Variants in SYCP2L observed in about 807,000 individuals in gnomAD.
SYCP2L encodes synaptonemal complex protein 2 like, also known as synaptonemal complex protein 2-like.
SYCP2L carries 98 observed loss-of-function variants against 125.8 expected under a neutral mutation model. The observed-to-expected ratio is 0.78, with a 90% CI of 0.66 to 0.92. The LOEUF (loss-of-function observed/expected upper bound fraction) is 0.92. Among genes scored for constraint, SYCP2L ranks in the 40% least tolerant of loss-of-function variants. The pLI is 0.00. For missense variants in SYCP2L, 842 were observed against 936.4 expected (o/e 0.90, Z 1.32); for synonymous variants, 317 against 325.4 (o/e 0.97, Z 0.28).
chr6:10,905,927 A>G lies in SYCP2L; in HGVS notation c.642-93A>G, dbSNP rs1443242717. 7.6e-6 allele frequency: 6 copies of G among 791,124 alleles called. No individual in the cohort carries two copies. In the Admixed American group the frequency reaches 1.2e-4, roughly 15 times the overall value. The allele number at this position is 791,124 out of a possible 1,614,324, so 49.0% of individuals were successfully genotyped here. On this transcript the variant is annotated intron_variant, in intron 8 of 29. Coordinates refer to ENST00000283141, the MANE Select transcript of SYCP2L (RefSeq NM_001040274.3). ...CTGAATTTGAAATAGTTTCAGAAAC[A>G]TATACTTTGGTTTTAAAGTTTAATG...
chr6:10,946,145 T>C (rs1781311492), intron 23 of SYCP2L, among the ~76,000 whole-genome samples: 1 of 152,168 alleles, frequency 6.6e-6, no homozygotes, highest in Non-Finnish European at 1.5e-5. Flanking sequence ...GTTTTGTGCT[T>C]TCTGTGTGCC....
At chr6:10,959,330 A>G (rs558130558) in intron 26 of SYCP2L, among the ~76,000 whole-genome samples, 1 of 152,324 alleles carries the variant, frequency 6.6e-6, no homozygotes, top group Non-Finnish European at 1.5e-5. Flanking sequence ...CTCCACTTAA[A>G]TGAGGTGTAC....
chr6:10,933,794 C>T (rs1781042164), intron 20 of SYCP2L, among the ~76,000 whole-genome samples: 1 of 152,034 alleles, frequency 6.6e-6, no homozygotes, highest in South Asian at 2.1e-4. Flanking sequence ...TTATTTACTG[C>T]AGTAAAATCT....
chr6:10,937,322 TAAAC>T (rs985850209), intron 21 of SYCP2L, among the ~76,000 whole-genome samples: 7 of 152,058 alleles, frequency 4.6e-5, no homozygotes, highest in South Asian at 2.1e-4. Context: ...ACATGGAAAT[TAAAC>T]AACACACTCC....
intron 10 of SYCP2L, among the ~76,000 whole-genome samples, chr6:10,908,819 C>A (rs1268119528): frequency 1.3e-5 from 2 of 152,240 alleles, no homozygotes; most frequent in South Asian, 2.1e-4. Flanking sequence ...CTGGGTTGAA[C>A]CTAGAGTTTG....
chr6:10,896,344 A>G (rs977299105), intron 4 of SYCP2L, among the ~76,000 whole-genome samples: 1 of 152,196 alleles, frequency 6.6e-6, no homozygotes, highest in Non-Finnish European at 1.5e-5. Flanking sequence ...GGGTTCAGTG[A>G]GAACTTCCTG....
chr6:10,930,120 A>G (rs761555121), intron 18 of SYCP2L: 5 of 303,668 alleles, frequency 1.6e-5, no homozygotes, highest in Non-Finnish European at 3.0e-5. Flanking sequence ...GTCATCCACC[A>G]TCTCTTCTGT....
intron 6 of SYCP2L, among the ~76,000 whole-genome samples, chr6:10,899,449 G>A (rs770866736): frequency 1.3e-5 from 2 of 152,140 alleles, no homozygotes; most frequent in African/African-American, 2.4e-5. Flanking sequence ...TTGGGAGGGT[G>A]AGGTGGGAGG....
At chr6:10,958,473 C>T (rs1239898835) in intron 25 of SYCP2L, among the ~76,000 whole-genome samples, 2 of 152,136 alleles carry the variant, frequency 1.3e-5, no homozygotes, top group Admixed American at 1.3e-4. Context: ...GTGACCCGAA[C>T]GCCTCCCACC....
Position 10,912,067 on chromosome 6 carries a change from G to A in SYCP2L, c.919-606G>A, listed in dbSNP as rs1369321184. Among the ~76,000 whole-genome samples the A allele has an allele frequency of 6.6e-6, 1 of 151,636 alleles. No homozygotes were observed. The highest frequency in any genetic ancestry group is 1.5e-5 in the Non-Finnish European group (1 of 67,914). ...TACATGTCTAGAAAACATCTGGGAGGAAACAAAGGCATTGTTAATGGTGCC... is the reference window on the plus strand; with the variant it reads ...TACATGTCTAGAAAACATCTGGGAGAAAACAAAGGCATTGTTAATGGTGCC... On this transcript the variant is annotated intron_variant, in intron 12 of 29. Coordinates refer to ENST00000283141, the MANE Select transcript of SYCP2L (RefSeq NM_001040274.3). This position sits in a 1 kb window ranked among gnomAD's most constrained non-coding sequence, Gnocchi z 4.1.
chr6:10,959,439 T>A (rs897027540), intron 26 of SYCP2L, among the ~76,000 whole-genome samples: 2 of 152,228 alleles, frequency 1.3e-5, no homozygotes, highest in African/African-American at 4.8e-5. Flanking sequence ...AGTTTCTGTT[T>A]GGGATGATGG....
rs764813418 is a variant in SYCP2L at position 10,924,634 on chromosome 6, A to G, written c.1211A>G (p.Asp404Gly). 1.7e-5 allele frequency: 26 copies of G among 1,565,000 alleles called. No individual in the cohort carries two copies. The highest frequency in any genetic ancestry group is 2.2e-5 in the Non-Finnish European group (26 of 1,163,966). The change falls in exon 15 of 30, where the codon GAC becomes GGC. Residue 404 changes from aspartate (D) to glycine (G), a missense_variant. Asp to Gly is a moderately conservative substitution (Grantham distance 94). Coordinates refer to ENST00000283141, the MANE Select transcript of SYCP2L (RefSeq NM_001040274.3). ...GTTTCCATTCAAGCTTTAGGAGAAG[A>G]CAAACAGGTGGCAGGTTTCATTCTT... Reference protein sequence around the residue: ...SQVSIQALGEDKQMLPDQTKI... With the variant: ...SQVSIQALGEGKQMLPDQTKI...
intron 26 of SYCP2L, among the ~76,000 whole-genome samples, chr6:10,960,675 A>C (rs1174985295): frequency 3.3e-5 from 5 of 152,134 alleles, no homozygotes; most frequent in African/African-American, 4.8e-5. Flanking sequence ...AAGGGGAGCA[A>C]GTGGAAGGTA....
intron 21 of SYCP2L, 63 bp from the exon 22 acceptor site, chr6:10,942,396 A>G (rs1781239966): frequency 1.9e-6 from 2 of 1,039,330 alleles, no homozygotes; most frequent in African/African-American, 1.6e-5. Flanking sequence ...CTAGAATGAT[A>G]GTGAATTCTT....
At chr6:10,926,476 A>G in intron 16 of SYCP2L, 44 bp downstream of exon 16, 1 of 1,480,578 alleles carries the variant, frequency 6.8e-7, no homozygotes, top group Non-Finnish European at 9.4e-7. Context: ...GTTTTCTGTA[A>G]AAGCGATGAA....
chr6:10,942,425 G>A (rs369108679), intron 21 of SYCP2L, 34 bp from the exon 22 acceptor site: 18 of 1,333,858 alleles, frequency 1.3e-5, no homozygotes, highest in South Asian at 4.2e-5. Context: ...GTTACTTGGC[G>A]TGTATTCACT....
At chr6:10,948,411 T>C (rs1561697807) in intron 23 of SYCP2L, among the ~76,000 whole-genome samples, 1 of 152,120 alleles carries the variant, frequency 6.6e-6, no homozygotes, top group Admixed American at 6.5e-5. Context: ...CACAGACCAA[T>C]GCTGCATAGT....
chr6:10,919,939 A>T (rs997381534), intron 14 of SYCP2L, among the ~76,000 whole-genome samples: 8 of 152,118 alleles, frequency 5.3e-5, no homozygotes, highest in Non-Finnish European at 7.4e-5. Context: ...CCACCCTCAA[A>T]ACCACCAAGT....
intron 23 of SYCP2L, among the ~76,000 whole-genome samples, chr6:10,952,883 C>A (rs1461720042): frequency 1.3e-5 from 2 of 152,106 alleles, no homozygotes; most frequent in African/African-American, 4.8e-5. Flanking sequence ...AATGGACACA[C>A]CTAAGTCTAA....
Sources: gnomAD v4.1 joint callset for allele counts (sites outside exome capture counted in the v4.1 genomes callset) on GRCh38, gnomAD v4.1.1 for gene constraint, Gnocchi (gnomAD v3.1) non-coding constraint, MANE v1.5 for transcripts, NCBI Gene and HGNC (gene_info 2026-07-23, HGNC 2026-07-21) for gene names.